The following SAMD4A variants were observed in gnomAD, a reference collection of about 807,000 sequenced individuals.
The protein encoded by SAMD4A is sterile alpha motif domain containing 4A, also known as protein Smaug homolog 1.
SAMD4A carries 33 observed loss-of-function variants against 81.3 expected under a neutral mutation model. That is an observed-to-expected ratio of 0.41 (90% CI 0.31 to 0.54). SAMD4A has a LOEUF of 0.54. Among genes scored for constraint, SAMD4A ranks in the 20% least tolerant of loss-of-function variants. SAMD4A has a pLI of 0.37. For missense variants in SAMD4A, 854 were observed against 951.1 expected (o/e 0.90, Z 1.34); for synonymous variants, 389 against 382.1 (o/e 1.02, Z -0.21).
chr14:54,738,342 CG>C, intron 4 of SAMD4A, among the ~76,000 whole-genome samples: 1 of 152,080 alleles, frequency 6.6e-6, no homozygotes, highest in East Asian at 1.9e-4. Flanking sequence ...AAGGGAGCAC[CG>C]GACTGAAAAA....
chr14:54,743,004 G>A (rs762548705), intron 4 of SAMD4A, among the ~76,000 whole-genome samples: 3 of 152,210 alleles, frequency 2.0e-5, no homozygotes, highest in African/African-American at 2.4e-5. Flanking sequence ...TTTTTGAAAT[G>A]TAGACCTTTG....
At chr14:54,607,676 G>T (rs374541843) in intron 2 of SAMD4A, among the ~76,000 whole-genome samples, 1 of 151,676 alleles carries the variant, frequency 6.6e-6, no homozygotes, top group Admixed American at 6.6e-5. Flanking sequence ...GGATGGTCTC[G>T]ATCTCCTGAC....
chr14:54,606,213 G>GTGTGTGCA (rs1555335555), intron 2 of SAMD4A, among the ~76,000 whole-genome samples: 1 of 144,418 alleles, frequency 6.9e-6, no homozygotes, highest in Non-Finnish European at 1.5e-5. Flanking sequence ...GTGTGTGTGT[G>GTGTGTGCA]CGTGCACGTG....
At chr14:54,715,459 C>A (rs1309721370) in intron 3 of SAMD4A, among the ~76,000 whole-genome samples, 2 of 152,004 alleles carry the variant, frequency 1.3e-5, no homozygotes, top group Non-Finnish European at 2.9e-5. Flanking sequence ...AGGAAGAGAG[C>A]CTCCTGCTGT....
chr14:54,607,003 A>G (rs1004649184), intron 2 of SAMD4A, among the ~76,000 whole-genome samples: 1 of 152,238 alleles, frequency 6.6e-6, no homozygotes, highest in East Asian at 1.9e-4. Flanking sequence ...TGGACTCACC[A>G]GAGCTGGGAT....
At chr14:54,606,968 C>T (rs1405197940) in intron 2 of SAMD4A, among the ~76,000 whole-genome samples, 2 of 152,326 alleles carry the variant, frequency 1.3e-5, no homozygotes, top group Admixed American at 6.5e-5. Flanking sequence ...CAGGGTGCAG[C>T]CTGCCAGTGG....
In SAMD4A at chr14:54,729,519, TC is replaced by T. The variant is rs1320058130; in HGVS notation, c.716-7502del. ...GGCCACTTGCTTAACTCCATTATTT[TC>T]CCTACTTGGTGAAATAATAAAATTC... On this transcript the variant is annotated intron_variant, in intron 3 of 12. Transcript: ENST00000554335. Among the ~76,000 whole-genome samples the T allele has an allele frequency of 2.6e-5, 4 of 152,228 alleles. No homozygotes were observed. The East Asian group carries it at 7.7e-4, about 29-fold the overall frequency.
At chr14:54,753,759 C>T (rs889995666) in intron 6 of SAMD4A, among the ~76,000 whole-genome samples, 2 of 152,106 alleles carry the variant, frequency 1.3e-5, no homozygotes, top group East Asian at 1.9e-4. Flanking sequence ...CGTGCACATC[C>T]GTGATTAAAG....
intron 3 of SAMD4A, among the ~76,000 whole-genome samples, chr14:54,733,314 C>A (rs559391289): frequency 6.6e-6 from 1 of 152,256 alleles, no homozygotes; most frequent in South Asian, 2.1e-4. Context: ...ATGATATATG[C>A]ATGCGTGCAT....
intron 4 of SAMD4A, among the ~76,000 whole-genome samples, chr14:54,738,830 TC>T (rs546294189): frequency 1.9e-3 from 290 of 152,294 alleles, no homozygotes; most frequent in Non-Finnish European, 3.5e-3. Context: ...CTAGCTTCTT[TC>T]CAGGTGAAGT....
chr14:54,678,791 G>A (rs1004585763), intron 2 of SAMD4A, among the ~76,000 whole-genome samples: 2 of 151,968 alleles, frequency 1.3e-5, no homozygotes, highest in Admixed American at 6.5e-5. Context: ...CTCGTGATCC[G>A]CCCGCCTCGG....
intron 2 of SAMD4A, among the ~76,000 whole-genome samples, chr14:54,633,910 G>C (rs2034965543): frequency 6.6e-6 from 1 of 152,072 alleles, no homozygotes; most frequent in Admixed American, 6.5e-5. Context: ...AGTGTTGGAG[G>C]GGGGATCTTC....
rs149660311 is a variant in SAMD4A, at chr14:54,658,758, G to A, written c.197-43304G>A. On this transcript the variant is annotated intron_variant, in intron 2 of 12. Coordinates refer to ENST00000554335, the MANE Select transcript of SAMD4A (RefSeq NM_015589.6). ...AAATGAGGGTCATTCCATCTCCCCA[G>A]TGTTCCTCCAAGCCTCTCTACTCAT... 5.6e-4 allele frequency among the ~76,000 whole-genome samples: 86 copies of A among 152,268 alleles called. No individual in the cohort carries two copies. The East Asian group carries it at 6.4e-3, about 11-fold the overall frequency.
chr14:54,724,603 C>T (rs989736297), intron 3 of SAMD4A, among the ~76,000 whole-genome samples: 1 of 152,118 alleles, frequency 6.6e-6, no homozygotes, highest in Non-Finnish European at 1.5e-5. Context: ...CTTTGGGTTG[C>T]ATTTGGGAAA....
At chr14:54,788,820 G>T in intron 12 of SAMD4A, 96 bp from the exon 13 acceptor site, 1 of 1,479,488 alleles carries the variant, frequency 6.8e-7, no homozygotes, top group Non-Finnish European at 9.5e-7. Flanking sequence ...TGCCCTCAGA[G>T]GCTGGGAGGC....
At chr14:54,675,366 C>CAAAAAAAAAAAAAA (rs2035969289) in intron 2 of SAMD4A, among the ~76,000 whole-genome samples, 2 of 22,188 alleles carry the variant, frequency 9.0e-5, no homozygotes, top group South Asian at 3.0e-3. Context: ...AACTCCGTCT[C>CAAAAAAAAAAAAAA]CAAAAAAAAA....
intron 2 of SAMD4A, chr14:54,685,890 A>T (rs987286254): frequency 2.2e-6 from 1 of 456,440 alleles, no homozygotes; most frequent in Non-Finnish European, 4.4e-6. Context: ...GGAAGAAAAG[A>T]GGGAATTGGG....
At chr14:54,571,487 A>G (rs954837736) in intron 2 of SAMD4A, among the ~76,000 whole-genome samples, 5 of 152,206 alleles carry the variant, frequency 3.3e-5, no homozygotes, top group African/African-American at 1.2e-4. Context: ...TTTCCAAAAG[A>G]AAAATAGACT....
At chr14:54,660,986 T>G (rs1179143920) in intron 2 of SAMD4A, among the ~76,000 whole-genome samples, 1 of 152,232 alleles carries the variant, frequency 6.6e-6, no homozygotes, top group African/African-American at 2.4e-5. Context: ...TTTCCACCTA[T>G]GGACTTGATC....
Sources: allele counts gnomAD v4.1 joint callset (sites outside exome capture counted in the v4.1 genomes callset), GRCh38; gene constraint gnomAD v4.1.1; transcripts MANE v1.5; gene names NCBI Gene and HGNC (gene_info 2026-07-23, HGNC 2026-07-21).